CAMKMT: variants seen among roughly 807,000 people sequenced by gnomAD.
CAMKMT encodes the protein CaM KMT.
Under a neutral mutation model 48.0 loss-of-function variants are expected in CAMKMT, and 53 were observed. The observed-to-expected ratio is 1.10, with a 90% CI of 0.89 to 1.39. The LOEUF is 1.39. CAMKMT is among the 40% of genes most tolerant of loss of function. CAMKMT has a pLI of 0.00. For synonymous variants in CAMKMT, 165 were observed against 152.3 expected (o/e 1.08, Z -0.61); for missense variants, 428 against 402.7 (o/e 1.06, Z -0.54).
intron 3 of CAMKMT, among the ~76,000 whole-genome samples, chr2:44,422,363 C>A (rs771911824): frequency 6.6e-6 from 1 of 152,150 alleles, no homozygotes; most frequent in Non-Finnish European, 1.5e-5. Context: ...AATGGACTAG[C>A]ACATTAATGT....
At chr2:44,576,470 A>G (rs1362377147) in intron 3 of CAMKMT, among the ~76,000 whole-genome samples, 2 of 152,210 alleles carry the variant, frequency 1.3e-5, no homozygotes, top group African/African-American at 2.4e-5. Context: ...ATATATTTCA[A>G]TAACTTGGGA....
intron 6 of CAMKMT, among the ~76,000 whole-genome samples, chr2:44,708,489 C>T (rs1368194131): frequency 6.6e-6 from 1 of 151,786 alleles, no homozygotes. Flanking sequence ...CTACAGAGCC[C>T]CACCCAGCTA....
In CAMKMT at chr2:44,760,253, A is replaced by C. The variant is rs117234883; in HGVS notation, c.762+6135A>C. On this transcript the variant is annotated intron_variant, in intron 9 of 10. Transcript: ENST00000378494. ...CTGACTTTGGTCTTAAATAGTAAGA[A>C]GGGCACTTTGAGTGTGTGGAGTAAG... is the stretch of plus-strand genomic sequence containing the variant. 6.0e-4 allele frequency among the ~76,000 whole-genome samples: 91 copies of C among 152,234 alleles called. 1 individual carries two copies. The East Asian group carries it at 0.016, about 27-fold the overall frequency.
chr2:44,379,791 G>T (rs1475593775), intron 2 of CAMKMT, among the ~76,000 whole-genome samples: 1 of 149,926 alleles, frequency 6.7e-6, no homozygotes, highest in South Asian at 2.1e-4. Context: ...CTTTCCAATG[G>T]GACTTTTGCA....
intron 3 of CAMKMT, among the ~76,000 whole-genome samples, chr2:44,426,183 T>C (rs1328803311): frequency 6.6e-6 from 1 of 152,204 alleles, no homozygotes; most frequent in Non-Finnish European, 1.5e-5. Flanking sequence ...TGAAAATAAC[T>C]TAGTGTTGTC....
intron 3 of CAMKMT, among the ~76,000 whole-genome samples, chr2:44,526,610 C>T (rs1417478505): frequency 6.6e-6 from 1 of 152,102 alleles, no homozygotes; most frequent in Non-Finnish European, 1.5e-5. Context: ...GGACGGATGC[C>T]CCAGCTCAGG....
chr2:44,589,395 T>A (rs1245664709), intron 3 of CAMKMT, among the ~76,000 whole-genome samples: 1 of 53,292 alleles, frequency 1.9e-5, no homozygotes, highest in Non-Finnish European at 4.0e-5. Flanking sequence ...GCCCAGCGGC[T>A]CATTGGGGAT....
chr2:44,702,820 C>T (rs1237340552), intron 3 of CAMKMT, among the ~76,000 whole-genome samples: 3 of 152,180 alleles, frequency 2.0e-5, no homozygotes, highest in Non-Finnish European at 4.4e-5. Context: ...ATGGAGACAC[C>T]TCTTTGCTGT....
chr2:44,690,306 A>G (rs998753622), intron 3 of CAMKMT, among the ~76,000 whole-genome samples: 1 of 152,194 alleles, frequency 6.6e-6, no homozygotes, highest in Admixed American at 6.5e-5. Flanking sequence ...TCAGAAATCA[A>G]TTCAACTCTT....
At chr2:44,540,666 G>T (rs1464816092) in intron 3 of CAMKMT, among the ~76,000 whole-genome samples, 1 of 152,108 alleles carries the variant, frequency 6.6e-6, no homozygotes, top group Non-Finnish European at 1.5e-5. Context: ...TGGGAGGAAC[G>T]CTGGACCCTG....
intron 2 of CAMKMT, among the ~76,000 whole-genome samples, chr2:44,386,068 T>C (rs1332303379): frequency 1.3e-5 from 2 of 152,110 alleles, no homozygotes; most frequent in Non-Finnish European, 2.9e-5. Context: ...CTTCTTTCAA[T>C]GTCTGGTAGA....
intron 3 of CAMKMT, among the ~76,000 whole-genome samples, chr2:44,512,883 G>A (rs1670639712): frequency 6.6e-6 from 1 of 152,088 alleles, no homozygotes; most frequent in South Asian, 2.1e-4. Flanking sequence ...AGGATCTCCT[G>A]AAGAGCTTGG....
intron 3 of CAMKMT, among the ~76,000 whole-genome samples, chr2:44,553,654 C>G (rs1015990177): frequency 6.6e-6 from 1 of 152,166 alleles, no homozygotes; most frequent in Non-Finnish European, 1.5e-5. Flanking sequence ...AGACACCGTA[C>G]TTGGCCACGT....
In CAMKMT at chr2:44,362,123, C is replaced by T. The variant is rs757937402; in HGVS notation, c.116C>T (p.Ala39Val). ...GTAGTCTCGGCGCCCCTGGGAGCCG[C>T]CCGGTGGAAGCTCCTGCGGCAGGTA... ...GPVVSAPLGA[A>V]RWKLLRQVLK... The change falls in exon 1 of 11, where the codon GCC (alanine) becomes GTC (valine). Residue 39 changes from alanine (A) to valine (V), a missense_variant. Physicochemically the swap from Ala to Val is moderately conservative, Grantham distance 64 (BLOSUM62 0). Transcript: ENST00000378494. 9.5e-6 allele frequency: 14 copies of T among 1,476,426 alleles called. 1 individual carries two copies. In the East Asian group the frequency reaches 3.2e-4, roughly 33 times the overall value. 91.5% of individuals were successfully genotyped at this position (1,476,426 alleles called of 1,614,324 possible).
At chr2:44,566,733 C>T (rs1668638131) in intron 3 of CAMKMT, among the ~76,000 whole-genome samples, 1 of 152,134 alleles carries the variant, frequency 6.6e-6, no homozygotes, top group South Asian at 2.1e-4. Context: ...GAGAACCCTG[C>T]TTGACATTTA....
At chr2:44,531,779 C>G (rs1051773405) in intron 3 of CAMKMT, among the ~76,000 whole-genome samples, 1 of 151,800 alleles carries the variant, frequency 6.6e-6, no homozygotes, top group African/African-American at 2.4e-5. Flanking sequence ...ACTTGTATTT[C>G]CTTGGTTATA....
At chr2:44,405,096 T>C (rs1682688773) in intron 3 of CAMKMT, among the ~76,000 whole-genome samples, 3 of 152,136 alleles carry the variant, frequency 2.0e-5, no homozygotes, top group Admixed American at 2.0e-4. Context: ...CATTATTTTC[T>C]ATCTCTATGT....
At chr2:44,663,735 T>C (rs966804638) in intron 3 of CAMKMT, among the ~76,000 whole-genome samples, 1 of 152,194 alleles carries the variant, frequency 6.6e-6, no homozygotes, top group Non-Finnish European at 1.5e-5. Context: ...TAAACTCTAT[T>C]TATTTCTCAA....
intron 6 of CAMKMT, among the ~76,000 whole-genome samples, chr2:44,713,409 T>C (rs1480200300): frequency 1.3e-5 from 2 of 152,132 alleles, no homozygotes; most frequent in African/African-American, 4.8e-5. Context: ...CAAAAACAGT[T>C]GTCAGCTGAC....
Sources: gnomAD v4.1 joint callset for allele counts (sites outside exome capture counted in the v4.1 genomes callset) on GRCh38, gnomAD v4.1.1 for gene constraint, MANE v1.5 for transcripts, NCBI Gene and HGNC (gene_info 2026-07-23, HGNC 2026-07-21) for gene names.